Variants in PHF24 observed in about 807,000 individuals in gnomAD.
PHF24 encodes the protein Galpha inhibitory interacting protein.
Under a neutral mutation model 42.6 loss-of-function variants are expected in PHF24, and 25 were observed. That is an observed-to-expected ratio of 0.59 (90% CI 0.43 to 0.82). The LOEUF is 0.82. Ranked by LOEUF, PHF24 falls within the 40% of genes least tolerant of loss-of-function variation. The probability of loss-of-function intolerance (pLI) is 0.00; values close to 1 mark genes in which losing one functional copy is unlikely to be tolerated. For synonymous variants in PHF24, 185 were observed against 204.8 expected, an observed-to-expected ratio of 0.90 and a Z score of 0.83; for missense variants, 470 against 538.1, an observed-to-expected ratio of 0.87 and a Z score of 1.25.
the PHF24 span, among the ~76,000 whole-genome samples, chr9:34,780,696 G>A: frequency 6.6e-6 from 1 of 152,172 alleles, no homozygotes; most frequent in East Asian, 1.9e-4. Flanking sequence ...TCAAGGGAGT[G>A]AAAATCATTT....
At chr9:34,724,923 G>C in the PHF24 span, 5 of 1,551,164 alleles carry the variant, frequency 3.2e-6, no homozygotes, top group South Asian at 5.9e-5. Context: ...GTTGTCTCCA[G>C]TTTCTCAATG....
At chr9:34,778,396 G>A in the PHF24 span, among the ~76,000 whole-genome samples, 6 of 152,120 alleles carry the variant, frequency 3.9e-5, no homozygotes, top group Non-Finnish European at 8.8e-5. Flanking sequence ...TATAGACAAA[G>A]GTACAAATAG....
At chr9:34,853,796 C>G in the PHF24 span, among the ~76,000 whole-genome samples, 1 of 144,112 alleles carries the variant, frequency 6.9e-6, no homozygotes, top group Non-Finnish European at 1.5e-5. Context: ...CCACTGCACT[C>G]CAGCCTGGGT....
the PHF24 span, among the ~76,000 whole-genome samples, chr9:34,939,945 A>G: frequency 2.1e-4 from 32 of 152,298 alleles, no homozygotes; most frequent in Admixed American, 5.2e-4. Context: ...GAGCACTGTC[A>G]TCTCAGACAA....
the PHF24 span, among the ~76,000 whole-genome samples, chr9:34,702,044 T>C: frequency 1.1e-4 from 17 of 152,128 alleles, no homozygotes; most frequent in African/African-American, 4.1e-4. Context: ...GGTTTCCTTA[T>C]TCCAAGGAAA....
chr9:34,849,904 G>T, the PHF24 span, among the ~76,000 whole-genome samples: 18,502 of 151,298 alleles, frequency 0.12, 2,278 homozygotes, highest in African/African-American at 0.33. Context: ...GAAAATTCTT[G>T]TCTTTAAGAA....
At chr9:34,970,933 C>T (rs1826951515) in intron 1 of PHF24, among the ~76,000 whole-genome samples, 1 of 151,990 alleles carries the variant, frequency 6.6e-6, no homozygotes, top group Non-Finnish European at 1.5e-5. Flanking sequence ...GATGGGAAAA[C>T]CAAAGTTGCA....
the PHF24 span, chr9:34,691,243 A>G: frequency 1.1e-6 from 1 of 942,010 alleles, no homozygotes; most frequent in Non-Finnish European, 1.7e-6. Flanking sequence ...TGCAGGGGTG[A>G]AATGCAAGGT....
At chr9:34,859,436 G>A in the PHF24 span, among the ~76,000 whole-genome samples, 2 of 152,176 alleles carry the variant, frequency 1.3e-5, no homozygotes, top group South Asian at 2.1e-4. Context: ...GCAAGGGCAA[G>A]TAAAAATGTC....
chr9:34,765,529 CT>C, the PHF24 span, among the ~76,000 whole-genome samples: 1 of 149,360 alleles, frequency 6.7e-6, no homozygotes, highest in East Asian at 2.0e-4. Context: ...CAACCCCTGC[CT>C]TTTTTTGTTT....
chr9:34,836,046 G>C, the PHF24 span: 22 of 616,232 alleles, frequency 3.6e-5, no homozygotes, highest in African/African-American at 3.8e-4. Flanking sequence ...GGGGAAGCCA[G>C]CCCTGGCTGG....
the PHF24 span, among the ~76,000 whole-genome samples, chr9:34,764,666 T>A: frequency 6.6e-6 from 1 of 152,096 alleles, no homozygotes; most frequent in Admixed American, 6.5e-5. Context: ...GATTCATTAA[T>A]TTTTTGAAGG....
the PHF24 span, among the ~76,000 whole-genome samples, chr9:34,937,012 C>G: frequency 1.6e-5 from 1 of 62,158 alleles, no homozygotes; most frequent in African/African-American, 4.2e-5. Flanking sequence ...CCGCCCCGTC[C>G]GGGAGGGAGG....
chr9:34,875,369 G>T, the PHF24 span, among the ~76,000 whole-genome samples: 2 of 152,078 alleles, frequency 1.3e-5, no homozygotes, highest in African/African-American at 4.8e-5. Context: ...TGATCCTAAG[G>T]CTGTATTTTT....
the PHF24 span, among the ~76,000 whole-genome samples, chr9:34,851,208 T>C: frequency 1.3e-5 from 2 of 152,182 alleles, no homozygotes; most frequent in African/African-American, 4.8e-5. Context: ...CCAGAGGTGG[T>C]GCCTGCAGAG....
At chr9:34,722,793 G>GT in the PHF24 span, among the ~76,000 whole-genome samples, 1 of 152,158 alleles carries the variant, frequency 6.6e-6, no homozygotes, top group Non-Finnish European at 1.5e-5. Flanking sequence ...GTCTTACTAT[G>GT]CATTAGCCAC....
At chr9:34,800,492 A>G in the PHF24 span, among the ~76,000 whole-genome samples, 4 of 152,192 alleles carry the variant, frequency 2.6e-5, no homozygotes, top group Non-Finnish European at 5.9e-5. Flanking sequence ...GGAACAGAAC[A>G]GAGACCTCAG....
At chr9:34,852,358 C>T in the PHF24 span, among the ~76,000 whole-genome samples, 26 of 152,114 alleles carry the variant, frequency 1.7e-4, no homozygotes, top group African/African-American at 6.3e-4. Flanking sequence ...TGCCCCAGCC[C>T]CTACATTGTT....
the PHF24 span, among the ~76,000 whole-genome samples, chr9:34,682,002 G>A: frequency 3.8e-3 from 3 of 790 alleles, no homozygotes; most frequent in Admixed American, 0.023. Flanking sequence ...TTTGAGGCAG[G>A]GTCTTGCTGT....
Sources: allele counts gnomAD v4.1 joint callset (sites outside exome capture counted in the v4.1 genomes callset), GRCh38; gene constraint gnomAD v4.1.1; transcripts MANE v1.5; gene names NCBI Gene and HGNC (gene_info 2026-07-23, HGNC 2026-07-21).